The following PAX7 variants were observed in gnomAD, a reference collection of about 807,000 sequenced individuals.
The protein encoded by PAX7 is paired box 7.
A neutral mutation model predicts 50.7 loss-of-function variants in PAX7; 18 were observed. The observed-to-expected ratio is 0.36, with a 90% CI of 0.25 to 0.53. The LOEUF (loss-of-function observed/expected upper bound fraction) is 0.53. Ranked by LOEUF, PAX7 falls within the 20% of genes least tolerant of loss-of-function variation. PAX7 has a pLI of 0.93. For missense variants in PAX7, 644 were observed against 702.9 expected (o/e 0.92, Z 0.95); for synonymous variants, 310 against 290.4 (o/e 1.07, Z -0.69).
At chr1:18,658,837 C>G (rs2088560315) in intron 4 of PAX7, among the ~76,000 whole-genome samples, 1 of 152,176 alleles carries the variant, frequency 6.6e-6, no homozygotes, top group Non-Finnish European at 1.5e-5. Context: ...TGGGAGAAAC[C>G]TTTCTTCATT....
intron 4 of PAX7, among the ~76,000 whole-genome samples, chr1:18,660,351 T>G (rs551848865): frequency 1.6e-4 from 25 of 152,250 alleles, no homozygotes; most frequent in African/African-American, 5.5e-4. Context: ...TCTCTTCCTT[T>G]CTGCTCTTCT....
At chr1:18,724,602 G>A (rs2089534662) in intron 7 of PAX7, among the ~76,000 whole-genome samples, 1 of 152,200 alleles carries the variant, frequency 6.6e-6, no homozygotes, top group Non-Finnish European at 1.5e-5. Flanking sequence ...GTAGGAAGAG[G>A]TGCTGAGCTG....
At position 18,631,270 on chromosome 1, in the gene PAX7, T is replaced by A. The variant is rs577132622; in HGVS notation, c.-334T>A. ...GCCGCGGGGCCTGGTCTCCGGGTTCTGCCAGGCGCATCAGCCCGCACAACT... is the reference window on the plus strand; with the variant it reads ...GCCGCGGGGCCTGGTCTCCGGGTTCAGCCAGGCGCATCAGCCCGCACAACT... On this transcript the variant is annotated 5_prime_UTR_variant, in exon 1 of 9. Coordinates refer to ENST00000420770, the MANE Select transcript of PAX7 (RefSeq NM_001135254.2). 231 of 260,284 alleles carry A rather than the reference T, an allele frequency of 8.9e-4. No individual in the cohort carries two copies. The highest frequency in any genetic ancestry group is 4.8e-3 in the African/African-American group (222 of 46,260). 16.1% of individuals were successfully genotyped at this position (260,284 alleles called of 1,614,324 possible).
intron 4 of PAX7, among the ~76,000 whole-genome samples, chr1:18,681,254 T>A (rs1350471688): frequency 6.7e-6 from 1 of 149,348 alleles, no homozygotes; most frequent in Non-Finnish European, 1.5e-5. Flanking sequence ...CCTCTTAAAA[T>A]GTCCCACCTC....
chr1:18,745,518 C>A lies in PAX7; in HGVS notation c.*589C>A, dbSNP rs1931398952. ...GTCAGCAGGGGGGCAGTCTCACCCC[C>A]ACCCAGGAATTTGAAGGACTTCAGA... On this transcript the variant is annotated 3_prime_UTR_variant, in exon 9 of 9. Coordinates refer to ENST00000420770, the MANE Select transcript of PAX7 (RefSeq NM_001135254.2). 4 of 231,970 alleles carry A rather than the reference C, an allele frequency of 1.7e-5. No homozygotes were observed. In the East Asian group the frequency reaches 2.5e-4, roughly 14 times the overall value. 14.4% of individuals were successfully genotyped at this position (231,970 alleles called of 1,614,324 possible).
chr1:18,726,093 C>T lies in PAX7; in HGVS notation c.1156-9539C>T, dbSNP rs1187504861. On this transcript the variant is annotated intron_variant, in intron 7 of 8. Coordinates refer to ENST00000420770, the MANE Select transcript of PAX7 (RefSeq NM_001135254.2). This position sits in a 1 kb window ranked among gnomAD's most constrained non-coding sequence, Gnocchi z 4.8. ...TGGAATGCCATTCTGTTCCTCCCTC[C>T]GCCCCCACCTCACCTCTAGACATCT... Among the ~76,000 whole-genome samples the T allele has an allele frequency of 1.3e-5, 2 of 150,234 alleles. No homozygotes were observed. The highest frequency in any genetic ancestry group is 4.9e-5 in the African/African-American group (2 of 40,582).
chr1:18,698,112 A>T (rs1009556103), intron 5 of PAX7, among the ~76,000 whole-genome samples: 2 of 152,076 alleles, frequency 1.3e-5, no homozygotes, highest in African/African-American at 2.4e-5. Flanking sequence ...CTACATGACA[A>T]ACTACAGTGG....
intron 4 of PAX7, among the ~76,000 whole-genome samples, chr1:18,665,088 AG>A (rs1248944467): frequency 1.3e-5 from 2 of 152,078 alleles, no homozygotes; most frequent in Admixed American, 1.3e-4. Flanking sequence ...AGGGTGGTTG[AG>A]TGGGTTAGAT....
rs1040374712 is a variant in PAX7 at position 18,745,638 on chromosome 1, G to A, written c.*709G>A. The stretch of plus-strand genomic sequence containing the variant: ...GAAGAGGCTTAACCAGAGGGTAGGG[G>A]CACATGGGGGTGGGGCTTGTCAGCC... On this transcript the variant is annotated 3_prime_UTR_variant, in exon 9 of 9. Coordinates refer to ENST00000420770, the MANE Select transcript of PAX7 (RefSeq NM_001135254.2). 4.3e-6 allele frequency: 1 copy of A among 231,026 alleles called. No homozygotes were observed. The highest frequency in any genetic ancestry group is 8.6e-6 in the Non-Finnish European group (1 of 116,680). 14.3% of individuals were successfully genotyped at this position (231,026 alleles called of 1,614,324 possible).
At chr1:18,722,026 A>G (rs1036362719) in intron 7 of PAX7, among the ~76,000 whole-genome samples, 1 of 152,196 alleles carries the variant, frequency 6.6e-6, no homozygotes, top group African/African-American at 2.4e-5. Flanking sequence ...TTGCTCATCT[A>G]TCAAATGTGG....
At chr1:18,691,210 C>A (rs2089064948) in intron 4 of PAX7, among the ~76,000 whole-genome samples, 1 of 152,182 alleles carries the variant, frequency 6.6e-6, no homozygotes, top group Non-Finnish European at 1.5e-5. Flanking sequence ...AACTCCTGGG[C>A]TCAAGCAATC....
At chr1:18,720,618 T>A (rs1570224871) in intron 7 of PAX7, among the ~76,000 whole-genome samples, 1 of 139,140 alleles carries the variant, frequency 7.2e-6, no homozygotes, top group African/African-American at 2.7e-5. Flanking sequence ...AGAGGGGAGG[T>A]GGGCGCAGAC....
chr1:18,676,834 A>C (rs1266376960), intron 4 of PAX7, among the ~76,000 whole-genome samples: 1 of 152,170 alleles, frequency 6.6e-6, no homozygotes, highest in African/African-American at 2.4e-5. Context: ...CTGAACCCTG[A>C]AGGTGGAGTT....
In PAX7 at chr1:18,636,033, G is replaced by GT. The variant is rs938244754; in HGVS notation, c.452-204_452-203insT. 3.9e-5 allele frequency among the ~76,000 whole-genome samples: 6 copies of GT among 152,138 alleles called. No individual in the cohort carries two copies. Among genetic ancestry groups the GT allele is most frequent in the Non-Finnish European group, 8.8e-5 (6 of 68,016 alleles). On this transcript the variant is annotated intron_variant, in intron 3 of 8. Transcript: ENST00000420770. This position sits in a 1 kb window ranked among gnomAD's most constrained non-coding sequence, Gnocchi z 5.1. ...TGCACAGTCTAACCACCCTGTGAGT[G>GT]CCCGGGGTGTGAGTCAGGCTTCTCC...
chr1:18,661,315 GTC>G (rs925055293), intron 4 of PAX7, among the ~76,000 whole-genome samples: 11 of 152,100 alleles, frequency 7.2e-5, no homozygotes, highest in African/African-American at 2.7e-4. Flanking sequence ...AAATGAATTC[GTC>G]TTTATTTTTT....
In PAX7 at chr1:18,747,427, C is replaced by A; in HGVS notation, c.*2498C>A. The A allele has an allele frequency of 4.4e-6, 1 of 226,184 alleles. No individual in the cohort carries two copies. The highest frequency in any genetic ancestry group is 8.8e-6 in the Non-Finnish European group (1 of 113,628). The allele number at this position is 226,184 out of a possible 1,614,324, so 14.0% of individuals were successfully genotyped here. On this transcript the variant is annotated 3_prime_UTR_variant, in exon 9 of 9. Transcript: ENST00000420770. ...GGCCCCACCCCCTTCAGAAAGAGGC[C>A]CTTGACCCTGATAGGTTCTCTCTAA...
chr1:18,698,272 TACACACACACAC>T (rs71018097), intron 5 of PAX7, among the ~76,000 whole-genome samples: 2 of 147,420 alleles, frequency 1.4e-5, no homozygotes, highest in East Asian at 2.0e-4. Context: ...ATTGTTAAAA[TACACACACACAC>T]ACACACACAC....
chr1:18,689,970 G>T (rs2089043053), intron 4 of PAX7, among the ~76,000 whole-genome samples: 1 of 152,230 alleles, frequency 6.6e-6, no homozygotes, highest in African/African-American at 2.4e-5. Context: ...TCTTTGTATT[G>T]GTGGAAGGGG....
intron 8 of PAX7, among the ~76,000 whole-genome samples, chr1:18,744,237 G>C (rs955907937): frequency 6.6e-6 from 1 of 152,166 alleles, no homozygotes; most frequent in African/African-American, 2.4e-5. Context: ...GATTCACAGG[G>C]CCTTCTCCAT....
Sources: gnomAD v4.1 joint callset for allele counts (sites outside exome capture counted in the v4.1 genomes callset) on GRCh38, gnomAD v4.1.1 for gene constraint, Gnocchi (gnomAD v3.1) non-coding constraint, MANE v1.5 for transcripts, NCBI Gene and HGNC (gene_info 2026-07-23, HGNC 2026-07-21) for gene names.